The following MSI2 variants were observed in gnomAD, a reference collection of about 807,000 sequenced individuals.
MSI2 encodes the protein RNA-binding protein Musashi homolog 2.
A neutral mutation model predicts 45.6 loss-of-function variants in MSI2; 17 were observed. That is an observed-to-expected ratio of 0.37 (90% confidence interval 0.26 to 0.56). The LOEUF is 0.56. MSI2 is among the 20% of genes least tolerant of loss of function. The pLI is 0.77. For synonymous variants in MSI2, 156 were observed against 158.2 expected (o/e 0.99, Z 0.11); for missense variants, 293 against 444.2 (o/e 0.66, Z 3.06).
At chr17:57,442,857 A>G (rs374026909) in intron 6 of MSI2, among the ~76,000 whole-genome samples, 10 of 152,314 alleles carry the variant, frequency 6.6e-5, no homozygotes, top group African/African-American at 2.4e-4. Flanking sequence ...GCTCCTTGAA[A>G]CAGGAGAGCC....
At chr17:57,431,538 C>T (rs1184561335) in intron 6 of MSI2, among the ~76,000 whole-genome samples, 1 of 152,122 alleles carries the variant, frequency 6.6e-6, no homozygotes, top group African/African-American at 2.4e-5. Context: ...ATATAACCTG[C>T]ATGTGGGTTA....
chr17:57,391,667 AG>A (rs2083794231), intron 5 of MSI2, among the ~76,000 whole-genome samples: 1 of 152,134 alleles, frequency 6.6e-6, no homozygotes, highest in Non-Finnish European at 1.5e-5. Context: ...CTGGAGTGAC[AG>A]GCACAGATGG....
chr17:57,502,478 A>G (rs1401784618), intron 6 of MSI2, among the ~76,000 whole-genome samples: 1 of 151,634 alleles, frequency 6.6e-6, no homozygotes, highest in Non-Finnish European at 1.5e-5. Flanking sequence ...GAATTGAACT[A>G]GATAACTTTG....
chr17:57,526,762 CTT>C (rs2144043778), intron 6 of MSI2, among the ~76,000 whole-genome samples: 1 of 152,242 alleles, frequency 6.6e-6, no homozygotes, highest in Non-Finnish European at 1.5e-5. Context: ...TCCCGTTTCT[CTT>C]TCCTCTCTAG....
At chr17:57,388,289 A>G (rs549832383) in intron 5 of MSI2, among the ~76,000 whole-genome samples, 10 of 152,360 alleles carry the variant, frequency 6.6e-5, no homozygotes, top group African/African-American at 2.4e-4. Flanking sequence ...GGAAGAGGCC[A>G]GATCAGCATA....
chr17:57,364,848 G>C (rs1259997524), intron 5 of MSI2: 1 of 152,052 alleles, frequency 6.6e-6, no homozygotes, highest in Non-Finnish European at 1.5e-5. Context: ...TTTCTGCTCT[G>C]CTAACCCGGA....
chr17:57,422,774 G>A (rs2084420152), intron 6 of MSI2, among the ~76,000 whole-genome samples: 1 of 152,188 alleles, frequency 6.6e-6, no homozygotes, highest in Non-Finnish European at 1.5e-5. Context: ...TGACATTTAA[G>A]CCTTTTTTTC....
intron 6 of MSI2, among the ~76,000 whole-genome samples, chr17:57,517,346 G>A (rs1357727276): frequency 6.6e-6 from 1 of 152,184 alleles, no homozygotes; most frequent in East Asian, 1.9e-4. Flanking sequence ...TGCTGAGTGC[G>A]CTGATTCGGG....
In MSI2 at chr17:57,679,589, G is replaced by C. The variant is rs1390093487; in HGVS notation, c.*72G>C. ...CCAGGCAAGACTGGGCGAAGTTTCT[G>C]AGTGGCCCTTTGTTTAGGTGATGTC... On this transcript the variant is annotated 3_prime_UTR_variant, in exon 14 of 14. Transcript: ENST00000284073. The C allele has an allele frequency of 9.4e-7, 1 of 1,061,866 alleles. No individual in the cohort carries two copies. Among genetic ancestry groups the C allele is most frequent in the African/African-American group, 1.6e-5 (1 of 60,832 alleles). The allele number at this position is 1,061,866 out of a possible 1,614,324, so 65.8% of individuals were successfully genotyped here.
intron 5 of MSI2, among the ~76,000 whole-genome samples, chr17:57,289,454 C>T (rs951805672): frequency 6.7e-6 from 1 of 150,192 alleles, no homozygotes; most frequent in Non-Finnish European, 1.5e-5. Context: ...TCTGCATGCA[C>T]TGAATGGATT....
intron 6 of MSI2, among the ~76,000 whole-genome samples, chr17:57,406,022 A>G (rs114026452): frequency 0.01 from 1,591 of 152,228 alleles, 12 homozygotes; most frequent in Non-Finnish European, 0.016. Flanking sequence ...TTACTTTTAT[A>G]AAGCCCCACC....
At chr17:57,490,224 A>G (rs2085843154) in intron 6 of MSI2, among the ~76,000 whole-genome samples, 1 of 152,150 alleles carries the variant, frequency 6.6e-6, no homozygotes, top group Admixed American at 6.5e-5. Context: ...AGTAGATGCT[A>G]GTTCTTCTTT....
intron 5 of MSI2, among the ~76,000 whole-genome samples, chr17:57,271,356 A>G (rs938357805): frequency 1.3e-5 from 2 of 152,108 alleles, no homozygotes; most frequent in African/African-American, 2.4e-5. Flanking sequence ...AGGACCTTAA[A>G]TTTAGGTTAG....
chr17:57,313,368 A>G (rs1385884348), intron 5 of MSI2, among the ~76,000 whole-genome samples: 2 of 152,206 alleles, frequency 1.3e-5, no homozygotes, highest in Non-Finnish European at 2.9e-5. Context: ...CCCAGCATTT[A>G]GTCACCGCTG....
At chr17:57,658,863 A>G (rs1386698434) in intron 11 of MSI2, among the ~76,000 whole-genome samples, 2 of 152,168 alleles carry the variant, frequency 1.3e-5, no homozygotes, top group Non-Finnish European at 2.9e-5. Flanking sequence ...TCATAGCTCC[A>G]TAAGGGCGCG....
intron 7 of MSI2, among the ~76,000 whole-genome samples, chr17:57,560,366 T>C (rs1255735245): frequency 6.6e-6 from 1 of 152,144 alleles, no homozygotes; most frequent in Non-Finnish European, 1.5e-5. Context: ...CCCGTGCCCC[T>C]CCGAGGAGCC....
At chr17:57,644,060 A>G (rs893848840) in intron 10 of MSI2, among the ~76,000 whole-genome samples, 1 of 151,860 alleles carries the variant, frequency 6.6e-6, no homozygotes, top group African/African-American at 2.4e-5. Flanking sequence ...ACTCCCCAGC[A>G]CCCCCTTCCC....
Position 57,627,377 on chromosome 17 carries a change from C to A in MSI2, c.727+74C>A. The A allele has an allele frequency of 7.7e-7, 1 of 1,300,086 alleles. No homozygotes were observed. Among genetic ancestry groups the A allele is most frequent in the Non-Finnish European group, 1.1e-6 (1 of 895,440 alleles). The allele number at this position is 1,300,086 out of a possible 1,614,324, so 80.5% of individuals were successfully genotyped here. A position where few individuals can be genotyped will look rare whatever the true frequency, so the allele number is the denominator to read the frequency against. ...CATTTGCGGGGAGGTGAGAGGACCC[C>A]TAAAGAGAATGCATTTCTTACATGC... is the stretch of plus-strand genomic sequence containing the variant. On this transcript the variant is annotated intron_variant, in intron 10 of 13. Coordinates refer to ENST00000284073, the MANE Select transcript of MSI2 (RefSeq NM_138962.4). This position sits in a 1 kb window ranked among gnomAD's most constrained non-coding sequence, Gnocchi z 4.6.
chr17:57,340,580 A>C (rs1301510991), intron 5 of MSI2, among the ~76,000 whole-genome samples: 1 of 152,128 alleles, frequency 6.6e-6, no homozygotes, highest in East Asian at 1.9e-4. Flanking sequence ...AGGAAGGGAA[A>C]ATGTAGAGGA....
Sources: allele counts gnomAD v4.1 joint callset (sites outside exome capture counted in the v4.1 genomes callset), GRCh38; gene constraint gnomAD v4.1.1; non-coding constraint Gnocchi (gnomAD v3.1); transcripts MANE v1.5; gene names NCBI Gene and HGNC (gene_info 2026-07-23, HGNC 2026-07-21).